ADORA2B: variants seen among roughly 807,000 people sequenced by gnomAD.
The protein encoded by ADORA2B is adenosine receptor A2b.
In ADORA2B, 18 loss-of-function variants were observed where a neutral mutation model predicts 20.8. The ratio of observed to expected loss-of-function variants is 0.87; its 90% CI spans 0.60 to 1.29. ADORA2B has a LOEUF of 1.29. ADORA2B is among the 50% of genes most tolerant of loss of function. The pLI, the probability that ADORA2B is intolerant of heterozygous loss-of-function variation, is 0.00. For synonymous variants in ADORA2B, 179 were observed against 178.3 expected, an observed-to-expected ratio of 1.00 and a Z score of -0.03; for missense variants, 441 against 422.7, an observed-to-expected ratio of 1.04 and a Z score of -0.38.
upstream of ADORA2B, among the ~76,000 whole-genome samples, chr17:15,940,977 C>T (rs1048991282): frequency 2.0e-5 from 3 of 152,176 alleles, no homozygotes; most frequent in African/African-American, 7.2e-5. Context: ...AGAACCTGGG[C>T]CTGTCATGAT....
intron 1 of ADORA2B, among the ~76,000 whole-genome samples, chr17:15,962,466 A>T (rs1237828205): frequency 6.6e-6 from 1 of 152,054 alleles, no homozygotes; most frequent in African/African-American, 2.4e-5. Flanking sequence ...GTCAGTATGG[A>T]CTTACAGAAT....
intron 1 of ADORA2B, among the ~76,000 whole-genome samples, chr17:15,964,876 A>G (rs139368974): frequency 0.012 from 1,820 of 152,082 alleles, 32 homozygotes; most frequent in African/African-American, 0.04. Flanking sequence ...CCTGGCTAAC[A>G]CGGTGAAACC....
At chr17:15,929,105 A>G in the ADORA2B span, among the ~76,000 whole-genome samples, 14 of 152,156 alleles carry the variant, frequency 9.2e-5, no homozygotes, top group Non-Finnish European at 2.1e-4. Flanking sequence ...GACTTCTAGC[A>G]GAGTGAGAGA....
At chr17:15,871,068 C>T in the ADORA2B span, among the ~76,000 whole-genome samples, 6 of 152,224 alleles carry the variant, frequency 3.9e-5, no homozygotes, top group African/African-American at 1.2e-4. Flanking sequence ...ACACAGTCCT[C>T]TCCTGATGGC....
the ADORA2B span, among the ~76,000 whole-genome samples, chr17:15,912,062 AAT>A: frequency 6.6e-6 from 1 of 152,018 alleles, no homozygotes; most frequent in Non-Finnish European, 1.5e-5. Context: ...AAAGTACAAA[AAT>A]TAGCTGGGTG....
Position 15,974,690 on chromosome 17 carries a change from T to C in ADORA2B, c.347T>C (p.Leu116Ser), listed in dbSNP as rs1342029583. 1 of 1,612,962 alleles carries C rather than the reference T, an allele frequency of 6.2e-7. No homozygotes were observed. The highest frequency in any genetic ancestry group is 8.5e-7 in the Non-Finnish European group (1 of 1,179,228). ...AICVPLRYKS[L>S]VTGTRARGVI... ...ATTCTTTTAAACAGGTATAAAAGTT[T>C]GGTCACGGGGACCCGAGCAAGAGGG... Residue 116 changes from leucine (L) to serine (S), a missense_variant, in exon 2 of 2, where the codon TTG becomes TCG. Coordinates refer to ENST00000304222, the MANE Select transcript of ADORA2B (RefSeq NM_000676.4).
chr17:15,919,838 T>C, the ADORA2B span, among the ~76,000 whole-genome samples: 45,665 of 152,090 alleles, frequency 0.3, 7,589 homozygotes, highest in African/African-American at 0.45. Flanking sequence ...CTCCAGCCAC[T>C]TTTTATAAAA....
At chr17:15,935,441 G>A in the ADORA2B span, among the ~76,000 whole-genome samples, 1 of 152,094 alleles carries the variant, frequency 6.6e-6, no homozygotes, top group Non-Finnish European at 1.5e-5. Flanking sequence ...AGGGTTCCTT[G>A]TACATAATAA....
chr17:15,975,295 G>C lies in ADORA2B; in HGVS notation c.952G>C (p.Gly318Arg). The change falls in exon 2 of 2, where the codon GGG becomes CGG. Residue 318 changes from glycine (G) to arginine (R), a missense_variant. Transcript: ENST00000304222. ...TCTCTGCCAAGCAGATGTCAAGAGTGGGAATGGTCAGGCTGGGGTACAGCC... is the reference window on the plus strand; with the variant it reads ...TCTCTGCCAAGCAGATGTCAAGAGTCGGAATGGTCAGGCTGGGGTACAGCC... ...YLLCQADVKS[G>R]NGQAGVQPAL... 1 of 1,613,340 alleles carries C rather than the reference G, an allele frequency of 6.2e-7. No homozygotes were observed. The highest frequency in any genetic ancestry group is 1.1e-5 in the South Asian group (1 of 91,058).
intron 1 of ADORA2B, among the ~76,000 whole-genome samples, chr17:15,972,872 C>T (rs1042407628): frequency 6.6e-6 from 1 of 152,172 alleles, no homozygotes; most frequent in Non-Finnish European, 1.5e-5. Context: ...GACTCTCCCA[C>T]TTCATTCTCC....
At chr17:15,937,704 T>C in the ADORA2B span, among the ~76,000 whole-genome samples, 1 of 151,806 alleles carries the variant, frequency 6.6e-6, no homozygotes, top group Non-Finnish European at 1.5e-5. Context: ...TCCCAAGTAG[T>C]TGGGACTACA....
chr17:15,970,291 G>A (rs1423017984), intron 1 of ADORA2B, among the ~76,000 whole-genome samples: 1 of 152,236 alleles, frequency 6.6e-6, no homozygotes, highest in East Asian at 1.9e-4. Context: ...AGAGAAGGCA[G>A]TGACCAGCTG....
At chr17:15,866,910 G>C in the ADORA2B span, among the ~76,000 whole-genome samples, 1 of 152,234 alleles carries the variant, frequency 6.6e-6, no homozygotes, top group East Asian at 1.9e-4. Flanking sequence ...TCAGCCTGCC[G>C]AGTGCCTGCG....
At chr17:15,925,272 G>C in the ADORA2B span, among the ~76,000 whole-genome samples, 5 of 152,084 alleles carry the variant, frequency 3.3e-5, no homozygotes, top group African/African-American at 1.2e-4. Flanking sequence ...CTGACCTCAG[G>C]TGATCTGCCT....
intron 1 of ADORA2B, among the ~76,000 whole-genome samples, chr17:15,961,387 T>C (rs1970040911): frequency 6.6e-6 from 1 of 152,168 alleles, no homozygotes; most frequent in Non-Finnish European, 1.5e-5. Flanking sequence ...ACCTTTTTGG[T>C]GGCAATACTG....
upstream of ADORA2B, chr17:15,945,124 A>G: frequency 2.4e-6 from 2 of 839,384 alleles, no homozygotes; most frequent in Non-Finnish European, 3.2e-6. Flanking sequence ...CCCAGCCCCG[A>G]GGCTCAGAAG....
At chr17:15,858,410 AC>A in the ADORA2B span, among the ~76,000 whole-genome samples, 1 of 152,232 alleles carries the variant, frequency 6.6e-6, no homozygotes, top group Non-Finnish European at 1.5e-5. Flanking sequence ...GCTTTTACAC[AC>A]GTCCTTGAAT....
chr17:15,866,694 T>TCTGCCG, the ADORA2B span, among the ~76,000 whole-genome samples: 28 of 143,774 alleles, frequency 1.9e-4, no homozygotes, highest in African/African-American at 7.2e-4. Flanking sequence ...TCCCTCTGCC[T>TCTGCCG]CTGCCTCTGC....
chr17:15,859,908 T>G, the ADORA2B span, among the ~76,000 whole-genome samples: 2 of 152,230 alleles, frequency 1.3e-5, no homozygotes, highest in Non-Finnish European at 2.9e-5. Flanking sequence ...CCCCTCATAT[T>G]GTCTTATGCC....
Sources: allele counts gnomAD v4.1 joint callset (sites outside exome capture counted in the v4.1 genomes callset), GRCh38; gene constraint gnomAD v4.1.1; transcripts MANE v1.5; gene names NCBI Gene and HGNC (gene_info 2026-07-23, HGNC 2026-07-21).